Variants in EPHA6 observed in about 807,000 individuals in gnomAD.
EPHA6 encodes ephrin type-A receptor 6.
A neutral mutation model predicts 112.0 loss-of-function variants in EPHA6; 50 were observed. That is an observed-to-expected ratio of 0.45 (90% CI 0.36 to 0.56). The LOEUF (loss-of-function observed/expected upper bound fraction) is 0.56. Ranked by LOEUF, EPHA6 falls within the 20% of genes least tolerant of loss-of-function variation. EPHA6 has a pLI of 0.00. For missense variants in EPHA6, 1,280 were observed against 1,417.4 expected (o/e 0.90, Z 1.56); for synonymous variants, 529 against 490.7 (o/e 1.08, Z -1.03).
intron 1 of EPHA6, among the ~76,000 whole-genome samples, chr3:96,827,807 A>AG (rs1318408505): frequency 3.3e-5 from 5 of 152,168 alleles, no homozygotes; most frequent in Admixed American, 6.6e-5. Flanking sequence ...GTGCATCAAC[A>AG]GGGGTCCCAA....
intron 10 of EPHA6, among the ~76,000 whole-genome samples, chr3:97,487,611 A>G (rs893376746): frequency 5.9e-5 from 9 of 152,182 alleles, no homozygotes; most frequent in African/African-American, 2.2e-4. Context: ...TTCTGTACAT[A>G]TATTCTTAAC....
At chr3:97,151,823 A>G (rs987271830) in intron 3 of EPHA6, among the ~76,000 whole-genome samples, 5 of 152,032 alleles carry the variant, frequency 3.3e-5, no homozygotes, top group Admixed American at 1.3e-4. Flanking sequence ...GAAAATTTCT[A>G]TAATTTATAC....
intron 3 of EPHA6, among the ~76,000 whole-genome samples, chr3:97,215,686 T>G (rs1244466253): frequency 1.3e-5 from 2 of 152,160 alleles, no homozygotes; most frequent in Non-Finnish European, 2.9e-5. Context: ...AATATATGTC[T>G]TCTCTAAAAA....
At chr3:96,927,208 G>A (rs2040082585) in intron 2 of EPHA6, among the ~76,000 whole-genome samples, 1 of 152,196 alleles carries the variant, frequency 6.6e-6, no homozygotes, top group Non-Finnish European at 1.5e-5. Flanking sequence ...CACGACTGGA[G>A]CAGTTAGGAT....
At chr3:97,582,392 T>A (rs745362151) in intron 11 of EPHA6, among the ~76,000 whole-genome samples, 2 of 152,096 alleles carry the variant, frequency 1.3e-5, no homozygotes, top group Non-Finnish European at 2.9e-5. Flanking sequence ...ATTTTTTAAC[T>A]GAAGAGTGAC....
chr3:97,095,160 C>G (rs114872216), intron 3 of EPHA6, among the ~76,000 whole-genome samples: 1 of 151,846 alleles, frequency 6.6e-6, no homozygotes, highest in Non-Finnish European at 1.5e-5. Context: ...ATGAAAGAAG[C>G]GTAATATTGT....
At chr3:97,093,663 C>G (rs1000321544) in intron 3 of EPHA6, among the ~76,000 whole-genome samples, 1 of 152,110 alleles carries the variant, frequency 6.6e-6, no homozygotes, top group Admixed American at 6.6e-5. Flanking sequence ...AATATGAGTT[C>G]TCAATATATG....
intron 10 of EPHA6, 132 bp downstream of exon 10, chr3:97,484,191 T>A (rs1043910722): frequency 2.9e-6 from 2 of 692,388 alleles, no homozygotes; most frequent in Non-Finnish European, 4.3e-6. Flanking sequence ...TAAAGTGATC[T>A]TGTATATGTT....
intron 14 of EPHA6, among the ~76,000 whole-genome samples, chr3:97,639,639 A>ACT (rs2107564042): frequency 6.6e-6 from 1 of 152,288 alleles, no homozygotes; most frequent in African/African-American, 2.4e-5. Context: ...TAAAATGGTA[A>ACT]GCTTATAACT....
At chr3:97,281,009 C>T (rs948862405) in intron 5 of EPHA6, among the ~76,000 whole-genome samples, 4 of 152,134 alleles carry the variant, frequency 2.6e-5, no homozygotes, top group Non-Finnish European at 5.9e-5. Context: ...CTACATAGTT[C>T]AGTCACTTGG....
chr3:97,542,304 C>T (rs538857203), intron 11 of EPHA6, among the ~76,000 whole-genome samples: 10 of 152,050 alleles, frequency 6.6e-5, no homozygotes, highest in Non-Finnish European at 1.5e-4. Flanking sequence ...TCCATGTGTT[C>T]TCATTGTTCA....
At chr3:97,469,913 G>A (rs916215179) in intron 7 of EPHA6, among the ~76,000 whole-genome samples, 4 of 151,616 alleles carry the variant, frequency 2.6e-5, no homozygotes, top group Non-Finnish European at 4.4e-5. Flanking sequence ...TGTGTCACTG[G>A]TAATAGAGGC....
intron 14 of EPHA6, among the ~76,000 whole-genome samples, chr3:97,718,458 G>GT (rs199622237): frequency 1.5e-4 from 22 of 151,644 alleles, no homozygotes; most frequent in Middle Eastern, 3.2e-3. Flanking sequence ...CAATGATTTG[G>GT]TTTTTTTTAA....
chr3:97,569,410 TG>T, intron 11 of EPHA6, among the ~76,000 whole-genome samples: 1 of 152,254 alleles, frequency 6.6e-6, no homozygotes, highest in Admixed American at 6.5e-5. Flanking sequence ...AGTTAAGAAA[TG>T]CTTGATTTTG....
intron 2 of EPHA6, among the ~76,000 whole-genome samples, chr3:96,907,389 T>C (rs959575697): frequency 6.6e-6 from 1 of 151,846 alleles, no homozygotes; most frequent in East Asian, 1.9e-4. Context: ...ATTATGATTA[T>C]AGAAAACTTA....
intron 3 of EPHA6, among the ~76,000 whole-genome samples, chr3:97,197,249 T>C (rs888783628): frequency 6.6e-6 from 1 of 152,008 alleles, no homozygotes; most frequent in African/African-American, 2.4e-5. Flanking sequence ...GAATCTCTCC[T>C]CATGGCTGCC....
chr3:97,037,943 C>A (rs2045168202), intron 3 of EPHA6, among the ~76,000 whole-genome samples: 1 of 151,798 alleles, frequency 6.6e-6, no homozygotes, highest in African/African-American at 2.4e-5. Flanking sequence ...TCATTGTGAG[C>A]ATGTTAAATA....
Position 97,154,633 on chromosome 3 carries a change from A to C in EPHA6, c.1115-71631A>C, listed in dbSNP as rs537538637. On this transcript the variant is annotated intron_variant, in intron 3 of 17. Coordinates refer to ENST00000389672, the MANE Select transcript of EPHA6 (RefSeq NM_001080448.3). ...TTGTCCAGCATTTTCCCCTTCCTCC[A>C]CCTTTAAAAACATTTTATTGCTTGT... Among the ~76,000 whole-genome samples, 28 of 152,138 alleles carry C rather than the reference A, an allele frequency of 1.8e-4. 1 individual carries two copies. The East Asian group carries it at 5.2e-3, about 28-fold the overall frequency.
chr3:97,657,435 T>G (rs193208457), intron 14 of EPHA6, among the ~76,000 whole-genome samples: 1 of 151,962 alleles, frequency 6.6e-6, no homozygotes, highest in African/African-American at 2.4e-5. Context: ...GGCATTTCAG[T>G]AGCCCAATAT....
Sources: allele counts gnomAD v4.1 joint callset (sites outside exome capture counted in the v4.1 genomes callset), GRCh38; gene constraint gnomAD v4.1.1; transcripts MANE v1.5; gene names NCBI Gene and HGNC (gene_info 2026-07-23, HGNC 2026-07-21).